Variants in CNTN3 observed in about 807,000 individuals in gnomAD.
The protein encoded by CNTN3 is contactin 3.
CNTN3 carries 60 observed loss-of-function variants against 119.1 expected under a neutral mutation model. That is an observed-to-expected ratio of 0.50 (90% CI 0.41 to 0.62). CNTN3 has a LOEUF of 0.62. CNTN3 is among the 20% of genes least tolerant of loss of function. The pLI is 0.00. For missense variants in CNTN3, 1,101 were observed against 1,242.4 expected (o/e 0.89, Z 1.71); for synonymous variants, 450 against 438.7 (o/e 1.03, Z -0.32).
At chr3:74,525,189 T>G (rs939213314) in intron 1 of CNTN3, among the ~76,000 whole-genome samples, 1 of 151,834 alleles carries the variant, frequency 6.6e-6, no homozygotes, top group African/African-American at 2.4e-5. Flanking sequence ...CACCCACAAA[T>G]TCGTAGAAAT....
At chr3:74,465,197 G>A (rs1046203898) in intron 4 of CNTN3, among the ~76,000 whole-genome samples, 7 of 152,126 alleles carry the variant, frequency 4.6e-5, no homozygotes, top group African/African-American at 1.7e-4. Context: ...TACACAGCAG[G>A]CCTGTAAGCT....
chr3:74,447,812 T>A (rs562208320), intron 4 of CNTN3, among the ~76,000 whole-genome samples: 11 of 152,328 alleles, frequency 7.2e-5, no homozygotes, highest in African/African-American at 2.2e-4. Flanking sequence ...AGGGCAGGAC[T>A]CACCTGGACC....
In CNTN3 at chr3:74,429,924, A is replaced by C. The variant is rs551199524; in HGVS notation, c.359-4984T>G. Among the ~76,000 whole-genome samples the C allele has an allele frequency of 6.6e-5, 10 of 152,320 alleles. No individual in the cohort carries two copies. In the South Asian group the frequency reaches 1.9e-3, roughly 28 times the overall value. On this transcript the variant is annotated intron_variant, in intron 4 of 22. Coordinates refer to ENST00000263665, the MANE Select transcript of CNTN3 (RefSeq NM_020872.3). ...CATCGGGGAAATGCAAATTAAAACT[A>C]CAATGAGCTGTCACTCCACACCTAC...
intron 3 of CNTN3, among the ~76,000 whole-genome samples, chr3:74,488,533 T>C (rs1235880659): frequency 6.6e-6 from 1 of 152,184 alleles, no homozygotes; most frequent in Non-Finnish European, 1.5e-5. Context: ...TTATGCCCTA[T>C]TGTATGTCTG....
At chr3:74,612,277 A>G (rs1197492482) in intron 1 of CNTN3, among the ~76,000 whole-genome samples, 1 of 152,234 alleles carries the variant, frequency 6.6e-6, no homozygotes, top group African/African-American at 2.4e-5. Context: ...GAAATGTGAC[A>G]GTGATAAAAT....
chr3:74,337,435 A>G (rs528180293), intron 11 of CNTN3, among the ~76,000 whole-genome samples: 2 of 152,272 alleles, frequency 1.3e-5, no homozygotes, highest in East Asian at 3.9e-4. Context: ...TGCTGCTGCT[A>G]AAGATATACC....
intron 5 of CNTN3, among the ~76,000 whole-genome samples, chr3:74,411,990 T>C (rs1424796827): frequency 1.3e-5 from 2 of 152,234 alleles, no homozygotes; most frequent in Non-Finnish European, 1.5e-5. Context: ...GAAAAGTCCT[T>C]AAATTTCTGA....
At chr3:74,382,839 GAT>G (rs1704655043) in intron 5 of CNTN3, among the ~76,000 whole-genome samples, 1 of 152,184 alleles carries the variant, frequency 6.6e-6, no homozygotes, top group African/African-American at 2.4e-5. Context: ...TGGGAGTGCA[GAT>G]ATCTCTTCAG....
At chr3:74,557,431 T>C (rs1704087556) in intron 1 of CNTN3, among the ~76,000 whole-genome samples, 1 of 152,152 alleles carries the variant, frequency 6.6e-6, no homozygotes, top group Admixed American at 6.6e-5. Flanking sequence ...CTTGCATGGA[T>C]GAGGCATCAT....
chr3:74,437,864 A>C (rs1701897245), intron 4 of CNTN3, among the ~76,000 whole-genome samples: 1 of 152,194 alleles, frequency 6.6e-6, no homozygotes, highest in Non-Finnish European at 1.5e-5. Context: ...CTCTGTGCAA[A>C]GTACATGTTA....
chr3:74,546,232 T>A (rs1703913880), intron 1 of CNTN3, among the ~76,000 whole-genome samples: 1 of 152,154 alleles, frequency 6.6e-6, no homozygotes. Flanking sequence ...CTTGACCTCA[T>A]GATCAGCACG....
At position 74,499,644 on chromosome 3, in the gene CNTN3, A is replaced by G; in HGVS notation, c.182+15T>C. The G allele has an allele frequency of 6.3e-7, 1 of 1,581,396 alleles. No individual in the cohort carries two copies. On this transcript the variant is annotated intron_variant, in intron 3 of 22. Coordinates refer to ENST00000263665, the MANE Select transcript of CNTN3 (RefSeq NM_020872.3). Reference sequence around the variant, plus strand: ...TTAGTTTTTTTTATTTGAATTTTCAAACTTTTCACTGTACCTGTAATGAGG... The same window carrying G: ...TTAGTTTTTTTTATTTGAATTTTCAGACTTTTCACTGTACCTGTAATGAGG...
intron 5 of CNTN3, among the ~76,000 whole-genome samples, chr3:74,403,445 G>GT (rs1410938201): frequency 6.6e-6 from 1 of 152,108 alleles, no homozygotes; most frequent in Non-Finnish European, 1.5e-5. Context: ...GCACTAGGTG[G>GT]TTGAGTTAGG....
At chr3:74,607,271 G>T (rs1705008900) in intron 1 of CNTN3, among the ~76,000 whole-genome samples, 1 of 152,204 alleles carries the variant, frequency 6.6e-6, no homozygotes. Flanking sequence ...GCAACTTTCG[G>T]CTACTTTACA....
chr3:74,445,210 T>C (rs1209760937), intron 4 of CNTN3, among the ~76,000 whole-genome samples: 1 of 152,182 alleles, frequency 6.6e-6, no homozygotes, highest in Admixed American at 6.6e-5. Context: ...AATTTCATAG[T>C]CTTCTGACAA....
At chr3:74,382,739 T>C (rs1704652557) in intron 5 of CNTN3, among the ~76,000 whole-genome samples, 1 of 152,236 alleles carries the variant, frequency 6.6e-6, no homozygotes, top group Non-Finnish European at 1.5e-5. Context: ...ACCATGTATA[T>C]ATACAACATT....
intron 17 of CNTN3, among the ~76,000 whole-genome samples, chr3:74,298,410 G>T (rs746464704): frequency 6.6e-6 from 1 of 152,110 alleles, no homozygotes; most frequent in Admixed American, 6.5e-5. Context: ...TCCAGATAAT[G>T]AACTGGAATT....
intron 3 of CNTN3, among the ~76,000 whole-genome samples, chr3:74,492,497 G>C (rs1702982561): frequency 6.6e-6 from 1 of 152,188 alleles, no homozygotes; most frequent in African/African-American, 2.4e-5. Flanking sequence ...GTCTAAAGCA[G>C]ATTTCCACCT....
At chr3:74,470,439 C>T (rs1004334510) in intron 4 of CNTN3, among the ~76,000 whole-genome samples, 6 of 152,182 alleles carry the variant, frequency 3.9e-5, no homozygotes, top group African/African-American at 1.4e-4. Flanking sequence ...ATAGTCAGAA[C>T]ATACAGTGCC....
Sources: gnomAD v4.1 joint callset for allele counts (sites outside exome capture counted in the v4.1 genomes callset) on GRCh38, gnomAD v4.1.1 for gene constraint, MANE v1.5 for transcripts, NCBI Gene and HGNC (gene_info 2026-07-23, HGNC 2026-07-21) for gene names.